CCNH: variants seen among roughly 807,000 people sequenced by gnomAD.
CCNH encodes cyclin-H.
Under a neutral mutation model 41.9 loss-of-function variants are expected in CCNH, and 31 were observed. The ratio of observed to expected loss-of-function variants is 0.74; its 90% CI spans 0.56 to 1.00. The LOEUF is 1.00. Among genes scored for constraint, CCNH ranks in the 50% least tolerant of loss-of-function variants. CCNH has a pLI of 0.00. For synonymous variants in CCNH, 138 were observed against 136.1 expected, an observed-to-expected ratio of 1.01 and a Z score of -0.10; for missense variants, 362 against 388.4, an observed-to-expected ratio of 0.93 and a Z score of 0.57.
chr5:87,331,407 A>G, intron 9 of CCNH: 1 of 1,613,570 alleles, frequency 6.2e-7, no homozygotes, highest in Non-Finnish European at 8.5e-7. Context: ...CAGGCAGGGA[A>G]GTCTGGCAGT....
intron 9 of CCNH, chr5:87,346,645 A>C (rs755281326): frequency 9.1e-5 from 130 of 1,433,938 alleles, no homozygotes; most frequent in Non-Finnish European, 1.2e-4. Flanking sequence ...GACTTTATTT[A>C]TATATCTAAT....
intron 9 of CCNH, among the ~76,000 whole-genome samples, chr5:87,362,152 T>C (rs568804101): frequency 3.9e-5 from 6 of 152,318 alleles, no homozygotes; most frequent in South Asian, 2.1e-4. Context: ...ACAGACACAA[T>C]TGTGCATAGG....
At chr5:87,367,422 A>G (rs1760607058) in intron 9 of CCNH, among the ~76,000 whole-genome samples, 2 of 152,242 alleles carry the variant, frequency 1.3e-5, no homozygotes, top group South Asian at 4.1e-4. Context: ...ACTAATGTGA[A>G]AGTTAACAGC....
rs1283311173 is a variant in CCNH at position 87,412,699 on chromosome 5, G to C, written c.96C>G (p.Cys32Trp). 1.2e-6 allele frequency: 2 copies of C among 1,614,022 alleles called. No individual in the cohort carries two copies. Among genetic ancestry groups the C allele is most frequent in the African/African-American group, 2.7e-5 (2 of 74,948 alleles). Residue 32 changes from cysteine (C) to tryptophan (W), a missense_variant, in exon 1 of 9, where the codon TGC (cysteine) becomes TGG (tryptophan). Physicochemically the swap from Cys to Trp is radical, Grantham distance 215. Coordinates refer to ENST00000256897, the MANE Select transcript of CCNH (RefSeq NM_001239.4). Reference sequence around the variant, plus strand: ...TCACCTTCCCGTTGGCCACGGCTTTGCATCTGAATTTGCGGTTGGCGTCAG... The same window carrying C: ...TCACCTTCCCGTTGGCCACGGCTTTCCATCTGAATTTGCGGTTGGCGTCAG... Reference protein sequence around the residue: ...LRADANRKFRCKAVANGKVLP... With the variant: ...LRADANRKFRWKAVANGKVLP...
At chr5:87,366,281 A>C (rs1304002359) in intron 9 of CCNH, 1 of 329,796 alleles carries the variant, frequency 3.0e-6, no homozygotes, top group Non-Finnish European at 6.3e-6. Flanking sequence ...AAGTATTAAG[A>C]TGAATATTGC....
At chr5:87,411,161 A>G (rs772555406) in intron 2 of CCNH, 63 bp downstream of exon 2, 13 of 1,506,916 alleles carry the variant, frequency 8.6e-6, no homozygotes, top group Non-Finnish European at 1.2e-5. Context: ...CAGGGAATTT[A>G]GAAGAGGTCA....
At chr5:87,358,810 T>A (rs1580346704) in intron 9 of CCNH, among the ~76,000 whole-genome samples, 1 of 152,196 alleles carries the variant, frequency 6.6e-6, no homozygotes, top group South Asian at 2.1e-4. Context: ...TTATTATTTG[T>A]AAATAAGCCA....
chr5:87,379,220 G>C (rs1474113130), upstream of CCNH, among the ~76,000 whole-genome samples: 1 of 152,130 alleles, frequency 6.6e-6, no homozygotes, highest in Admixed American at 6.6e-5. Context: ...ATTTAATGTT[G>C]GAAATGTGGG....
At chr5:87,372,667 A>G (rs1303188913), downstream of CCNH, among the ~76,000 whole-genome samples, 1 of 152,152 alleles carries the variant, frequency 6.6e-6, no homozygotes, top group African/African-American at 2.4e-5. Flanking sequence ...AGATTTGTGG[A>G]GAGTTAAGCT....
intron 4 of CCNH, among the ~76,000 whole-genome samples, chr5:87,406,155 A>AT (rs760586690): frequency 6.6e-6 from 1 of 152,188 alleles, no homozygotes; most frequent in Admixed American, 6.5e-5. Context: ...ATCCTGAGGC[A>AT]TAACAGTATC....
intron 1 of CCNH, chr5:87,412,264 C>A (rs917642632): frequency 3.6e-6 from 1 of 280,890 alleles, no homozygotes. Flanking sequence ...AACACGTCCA[C>A]GCACCATCTC....
intron 9 of CCNH, among the ~76,000 whole-genome samples, chr5:87,354,353 G>T (rs1759496938): frequency 6.6e-6 from 1 of 152,092 alleles, no homozygotes; most frequent in Non-Finnish European, 1.5e-5. Flanking sequence ...TTGTGTCTTA[G>T]TGTCACATTT....
At chr5:87,359,458 A>G (rs1483135688) in intron 9 of CCNH, among the ~76,000 whole-genome samples, 1 of 152,178 alleles carries the variant, frequency 6.6e-6, no homozygotes, top group Admixed American at 6.5e-5. Flanking sequence ...GGAATCTTTT[A>G]GGATTTGTGG....
intron 9 of CCNH, among the ~76,000 whole-genome samples, chr5:87,338,518 TATATATATATATATAAA>T (rs1284115015): frequency 2.0e-5 from 2 of 100,616 alleles, no homozygotes; most frequent in Admixed American, 1.0e-4. Context: ...TATATATATA[TATATATATATATATAAA>T]ATTTTTTTTT....
At chr5:87,359,653 T>A (rs1456975866) in intron 9 of CCNH, among the ~76,000 whole-genome samples, 3 of 152,210 alleles carry the variant, frequency 2.0e-5, no homozygotes, top group Non-Finnish European at 4.4e-5. Context: ...AAAGATTTGA[T>A]AAATACAAAT....
At chr5:87,407,844 G>A in intron 4 of CCNH, 132 bp downstream of exon 4, 1 of 636,070 alleles carries the variant, frequency 1.6e-6, no homozygotes, top group Non-Finnish European at 2.7e-6. Flanking sequence ...TGCCCTAGAT[G>A]ACCAGGCCAG....
rs1362800137 is a variant in CCNH at position 87,369,793 on chromosome 5, T to A, written c.*90+22977A>T. 3 of 1,574,618 alleles carry A rather than the reference T, an allele frequency of 1.9e-6. No individual in the cohort carries two copies. In the South Asian group the frequency reaches 3.3e-5, roughly 18 times the overall value. ...TACTTTTTATTAAGCTTCCTAATAA[T>A]TTTTGTTTTTATTTTAAAGGCCAAA... On this transcript the variant is annotated intron_variant and NMD_transcript_variant, in intron 9 of 9. Transcript: ENST00000645953.
Position 87,326,834 on chromosome 5 carries a change from T to G in CCNH, c.*91-7937A>C, listed in dbSNP as rs940640998. On this transcript the variant is annotated intron_variant and NMD_transcript_variant, in intron 9 of 9. Transcript: ENST00000645953. ...GCTCTATAATGTTCAAAAAGAGTTT[T>G]GAGAAAATTTCCTCCTAAAATTAAT... Among the ~76,000 whole-genome samples, 4 of 152,204 alleles carry G rather than the reference T, an allele frequency of 2.6e-5. No homozygotes were observed. The East Asian group carries it at 7.7e-4, about 29-fold the overall frequency.
Position 87,411,347 on chromosome 5 carries a change from C to A in CCNH, c.118-1G>T. The A allele has an allele frequency of 1.9e-6, 3 of 1,600,654 alleles. No homozygotes were observed. Among genetic ancestry groups the A allele is most frequent in the Non-Finnish European group, 2.6e-6 (3 of 1,175,424 alleles). On this transcript the variant is annotated splice_acceptor_variant, in intron 1 of 8. Coordinates refer to ENST00000256897, the MANE Select transcript of CCNH (RefSeq NM_001239.4). LOFTEE classifies it high-confidence loss of function. ...GAAAGACTGGATCATTCGGAAGAAC[C>A]TTTAGATCAACAATTACAACACAAG...
Sources: allele counts gnomAD v4.1 joint callset (sites outside exome capture counted in the v4.1 genomes callset), GRCh38; gene constraint gnomAD v4.1.1; transcripts MANE v1.5; gene names NCBI Gene and HGNC (gene_info 2026-07-23, HGNC 2026-07-21).